The following MAPK4 variants were observed in gnomAD, a reference collection of about 807,000 sequenced individuals.
MAPK4 encodes the protein mitogen-activated protein kinase 4, also known as Erk3-related.
Under a neutral mutation model 47.7 loss-of-function variants are expected in MAPK4, and 22 were observed. The ratio of observed to expected loss-of-function variants is 0.46; its 90% CI spans 0.33 to 0.66. The LOEUF (loss-of-function observed/expected upper bound fraction) is 0.66. Ranked by LOEUF, MAPK4 falls within the 30% of genes least tolerant of loss-of-function variation. MAPK4 has a pLI of 0.02. For missense variants in MAPK4, 736 were observed against 831.7 expected, an observed-to-expected ratio of 0.88 and a Z score of 1.42; for synonymous variants, 390 against 365.7, an observed-to-expected ratio of 1.07 and a Z score of -0.76.
At chr18:50,619,678 T>G (rs3867257) in intron 1 of MAPK4, among the ~76,000 whole-genome samples, 41,815 of 152,112 alleles carry the variant, frequency 0.27, 5,869 homozygotes, top group East Asian at 0.47. Context: ...TTCAGTGTCA[T>G]TGATGACTGC....
chr18:50,729,112 T>C (rs375725875), intron 5 of MAPK4, 46 bp from the exon 6 acceptor site: 20 of 1,487,208 alleles, frequency 1.3e-5, no homozygotes, highest in East Asian at 1.2e-4. Flanking sequence ...TCCCGGAAGC[T>C]ACCTGGCTTG....
intron 1 of MAPK4, among the ~76,000 whole-genome samples, chr18:50,580,025 A>G (rs918267057): frequency 6.6e-6 from 1 of 152,266 alleles, no homozygotes; most frequent in South Asian, 2.1e-4. Context: ...TCACACAGTA[A>G]TTGATACATC....
chr18:50,713,729 G>A (rs968593232), intron 2 of MAPK4, among the ~76,000 whole-genome samples: 1 of 152,210 alleles, frequency 6.6e-6, no homozygotes, highest in Non-Finnish European at 1.5e-5. Flanking sequence ...TGAGTACGGG[G>A]ATATCCCTCA....
At chr18:50,619,740 C>T (rs1340257318) in intron 1 of MAPK4, among the ~76,000 whole-genome samples, 1 of 152,236 alleles carries the variant, frequency 6.6e-6, no homozygotes, top group Non-Finnish European at 1.5e-5. Context: ...AGAGAGCACA[C>T]TCACACTCCA....
Position 50,715,102 on chromosome 18 carries a change from A to G in MAPK4, c.570A>G (p.Val190=), listed in dbSNP as rs1910569519. The G allele has an allele frequency of 3.1e-6, 5 of 1,614,116 alleles. No individual in the cohort carries two copies. The East Asian group carries it at 6.7e-5, about 22-fold the overall frequency. ...AGGGTTATCTGTCAGAAGGGTTGGTAACAAAGTGGTACCGTTCCCCACGAC... is the reference window on the plus strand; with the variant it reads ...AGGGTTATCTGTCAGAAGGGTTGGTGACAAAGTGGTACCGTTCCCCACGAC... ...SHKGYLSEGL[V]TKWYRSPRLL... The change falls in exon 3 of 6, where the codon GTA becomes GTG. Residue 190 remains valine (V), a synonymous_variant. Transcript: ENST00000400384.
intron 1 of MAPK4, among the ~76,000 whole-genome samples, chr18:50,563,310 A>G (rs1319019095): frequency 1.3e-5 from 2 of 152,244 alleles, no homozygotes; most frequent in Non-Finnish European, 2.9e-5. Context: ...ATTGAGGGAA[A>G]TAGCGTTGGC....
intron 1 of MAPK4, among the ~76,000 whole-genome samples, chr18:50,660,066 C>A (rs2043153597): frequency 6.6e-6 from 1 of 152,214 alleles, no homozygotes; most frequent in Non-Finnish European, 1.5e-5. Flanking sequence ...CCTTAGACTT[C>A]TTAGGCGGTG....
intron 4 of MAPK4, among the ~76,000 whole-genome samples, chr18:50,722,908 G>C (rs1254621943): frequency 6.6e-6 from 1 of 152,130 alleles, no homozygotes; most frequent in Non-Finnish European, 1.5e-5. Context: ...GCTCTGAGCA[G>C]CTCAGTTTGG....
At position 50,663,667 on chromosome 18, in the gene MAPK4, G is replaced by C. The variant is rs1039294845; in HGVS notation, c.-292G>C. ...AAGATGCCAGCTTTAAAAGAAATATGAGCCATTCTAAGCTTTAAGAAGGGT... is the reference window on the plus strand; with the variant it reads ...AAGATGCCAGCTTTAAAAGAAATATCAGCCATTCTAAGCTTTAAGAAGGGT... On this transcript the variant is annotated 5_prime_UTR_variant, in exon 2 of 6. An upstream start codon of the reference 5' UTR is lost. Transcript: ENST00000400384. 1.2e-5 allele frequency: 3 copies of C among 259,456 alleles called. No homozygotes were observed. The highest frequency in any genetic ancestry group is 2.2e-5 in the Non-Finnish European group (3 of 137,434). 16.1% of individuals were successfully genotyped at this position (259,456 alleles called of 1,614,324 possible). A position where few individuals can be genotyped will look rare whatever the true frequency, so the allele number is the denominator to read the frequency against.
intron 1 of MAPK4, among the ~76,000 whole-genome samples, chr18:50,616,332 C>T (rs968474379): frequency 6.6e-6 from 1 of 152,144 alleles, no homozygotes; most frequent in African/African-American, 2.4e-5. Context: ...GGCTGAAGTA[C>T]TCAACTCTCC....
intron 2 of MAPK4, among the ~76,000 whole-genome samples, chr18:50,709,531 G>A (rs1910238752): frequency 2.0e-5 from 3 of 152,228 alleles, no homozygotes; most frequent in South Asian, 4.1e-4. Flanking sequence ...AACGCCTTCC[G>A]CACTAGGAGG....
intron 2 of MAPK4, among the ~76,000 whole-genome samples, chr18:50,683,453 G>GGGGTGT (rs74176773): frequency 2.8e-5 from 4 of 142,152 alleles, no homozygotes; most frequent in Non-Finnish European, 4.6e-5. Flanking sequence ...TTGGTGATGG[G>GGGGTGT]GTGTGTGTGT....
chr18:50,728,218 T>C (rs1451030431), intron 5 of MAPK4, among the ~76,000 whole-genome samples: 3 of 152,198 alleles, frequency 2.0e-5, no homozygotes, highest in African/African-American at 7.2e-5. Flanking sequence ...ACCCCAGGGT[T>C]CTAGGTAGAG....
At chr18:50,581,633 T>C (rs753327) in intron 1 of MAPK4, among the ~76,000 whole-genome samples, 108,510 of 151,636 alleles carry the variant, frequency 0.72, 39,129 homozygotes, top group Non-Finnish European at 0.76. Context: ...TTTTAAACCA[T>C]CACACAAAGC....
intron 1 of MAPK4, among the ~76,000 whole-genome samples, chr18:50,574,965 T>G (rs1225699178): frequency 6.6e-6 from 1 of 152,208 alleles, no homozygotes; most frequent in African/African-American, 2.4e-5. Flanking sequence ...GTTTCTGACC[T>G]GGTGAGTGAA....
In MAPK4 at chr18:50,663,556, G is replaced by C. The variant is rs2144251450; in HGVS notation, c.-403G>C. 1 of 158,604 alleles carries C rather than the reference G, an allele frequency of 6.3e-6. No individual in the cohort carries two copies. The highest frequency in any genetic ancestry group is 2.4e-5 in the African/African-American group (1 of 41,716). 9.8% of individuals were successfully genotyped at this position (158,604 alleles called of 1,614,324 possible). ...GCCTCTTGTAACAAAGTATTCAAAG[G>C]GGAGAGTTTCTGCATCTTTTACTTT... On this transcript the variant is annotated 5_prime_UTR_variant, in exon 2 of 6. Transcript: ENST00000400384.
At position 50,729,446 on chromosome 18, in the gene MAPK4, G is replaced by A. The variant is rs761835648; in HGVS notation, c.1356G>A (p.Ser452=). Residue 452 remains serine (S), a synonymous_variant, in exon 6 of 6, where the codon TCG becomes TCA. Coordinates refer to ENST00000400384, the MANE Select transcript of MAPK4 (RefSeq NM_002747.4). The part of the protein sequence containing the change: ...LWRDNKPHHY[S]EPKLILDLSH... ...GCGACAACAAGCCGCACCACTACTC[G>A]GAGCCCAAGCTCATCCTGGACCTGT... 7 of 1,532,186 alleles carry A rather than the reference G, an allele frequency of 4.6e-6. No individual in the cohort carries two copies. The highest frequency in any genetic ancestry group is 1.7e-4 in the Middle Eastern group (1 of 5,946). 94.9% of individuals were successfully genotyped at this position (1,532,186 alleles called of 1,614,324 possible). A position where few individuals can be genotyped will look rare whatever the true frequency, so the allele number is the denominator to read the frequency against.
chr18:50,704,637 CTG>C (rs1909956286), intron 2 of MAPK4: 1 of 398,524 alleles, frequency 2.5e-6, no homozygotes, highest in African/African-American at 2.1e-5. Flanking sequence ...GCAAGTCAAA[CTG>C]GGGAGAGTTC....
intron 1 of MAPK4, among the ~76,000 whole-genome samples, chr18:50,606,846 G>A (rs1010577388): frequency 2.0e-5 from 3 of 152,284 alleles, no homozygotes; most frequent in Admixed American, 2.0e-4. Flanking sequence ...TGACACTTTT[G>A]GACAGAAGCT....
Sources: allele counts gnomAD v4.1 joint callset (sites outside exome capture counted in the v4.1 genomes callset), GRCh38; gene constraint gnomAD v4.1.1; transcripts MANE v1.5; gene names NCBI Gene and HGNC (gene_info 2026-07-23, HGNC 2026-07-21).